ERCC5: variants seen among roughly 807,000 people sequenced by gnomAD.
ERCC5 encodes the protein DNA excision repair protein ERCC-5.
In ERCC5, 68 loss-of-function variants were observed where a neutral mutation model predicts 105.6. The observed-to-expected ratio is 0.64, with a 90% CI of 0.53 to 0.79. The LOEUF is 0.79. ERCC5 is among the 30% of genes least tolerant of loss of function. The pLI, the probability that ERCC5 is intolerant of heterozygous loss-of-function variation, is 0.00. For synonymous variants in ERCC5, 546 were observed against 526.2 expected (o/e 1.04, Z -0.51); for missense variants, 1,373 against 1,426.7 (o/e 0.96, Z 0.61).
chr13:102,850,927 G>A (rs1049791772), intron 1 of ERCC5, among the ~76,000 whole-genome samples: 1 of 152,146 alleles, frequency 6.6e-6, no homozygotes, highest in Non-Finnish European at 1.5e-5. Context: ...AGTGTTACAG[G>A]AGCTGGCAAA....
chr13:102,857,064 A>C (rs991184883), intron 5 of ERCC5, among the ~76,000 whole-genome samples: 2 of 152,224 alleles, frequency 1.3e-5, no homozygotes, highest in Non-Finnish European at 2.9e-5. Flanking sequence ...TATGCTGTAT[A>C]TATACATTTT....
rs587778294 is a variant in ERCC5, at chr13:102,853,854, C to T, written c.362C>T (p.Thr121Ile). ...TTTTTGAAAAGACAAGCCATCAAAA[C>T]TGCCTTCAGAAGCAAAAGGCAAGAG... ...KTFLKRQAIK[T>I]AFRSKRDEAL... The change falls in exon 3 of 15, where the codon ACT becomes ATT. Residue 121 changes from threonine (T) to isoleucine (I), a missense_variant. By Grantham distance (89) the Thr-to-Ile change is moderately conservative (BLOSUM62 -1). Transcript: ENST00000652225. 1 of 1,614,186 alleles carries T rather than the reference C, an allele frequency of 6.2e-7. No individual in the cohort carries two copies. Among genetic ancestry groups the T allele is most frequent in the Non-Finnish European group, 8.5e-7 (1 of 1,180,000 alleles).
Position 102,865,887 on chromosome 13 carries a change from C to T in ERCC5, c.2175C>T (p.Leu725=), listed in dbSNP as rs1294983801. 1 of 1,614,190 alleles carries T rather than the reference C, an allele frequency of 6.2e-7. No individual in the cohort carries two copies. The highest frequency in any genetic ancestry group is 1.1e-5 in the South Asian group (1 of 91,070). Residue 725 remains leucine (L), a synonymous_variant, in exon 9 of 15, where the codon CTC becomes CTT. Coordinates refer to ENST00000652225, the MANE Select transcript of ERCC5 (RefSeq NM_000123.4). The surrounding 1 kb of genome is among the most constrained non-coding windows in gnomAD (Gnocchi z 4.0). ...CTGAGAAAGATGCGGAAGATTCGCT[C>T]CATGAATGGCAAGATATTAATTTGG... ...QEAEKDAEDS[L]HEWQDINLEE...
At chr13:102,847,550 T>C (rs7327832) in intron 1 of ERCC5, among the ~76,000 whole-genome samples, 12,951 of 152,198 alleles carry the variant, frequency 0.085, 1,827 homozygotes, top group African/African-American at 0.29. Flanking sequence ...TTGATAAGTT[T>C]TAAAACATAA....
At chr13:102,860,401 A>C (rs1882577649) in intron 6 of ERCC5, among the ~76,000 whole-genome samples, 1 of 152,200 alleles carries the variant, frequency 6.6e-6, no homozygotes, top group Non-Finnish European at 1.5e-5. Flanking sequence ...AGCGTGTGAT[A>C]AGTGCTCAGT....
At chr13:102,846,610 G>T (rs2140512004) in intron 1 of ERCC5, among the ~76,000 whole-genome samples, 1 of 152,276 alleles carries the variant, frequency 6.6e-6, no homozygotes, top group East Asian at 1.9e-4. Flanking sequence ...CGTGGTATTT[G>T]CATATAAACT....
intron 12 of ERCC5, among the ~76,000 whole-genome samples, chr13:102,870,204 C>G (rs1882987201): frequency 6.6e-6 from 1 of 152,216 alleles, no homozygotes; most frequent in Non-Finnish European, 1.5e-5. Context: ...TTGGTTTGGA[C>G]TACACGGTGT....
intron 5 of ERCC5, 77 bp from the exon 6 acceptor site, chr13:102,858,198 A>G: frequency 6.3e-7 from 1 of 1,586,068 alleles, no homozygotes; most frequent in African/African-American, 1.4e-5. Context: ...ATATAAACAT[A>G]ATACATATCC....
chr13:102,853,483 G>A (rs941978650), intron 2 of ERCC5, among the ~76,000 whole-genome samples: 32 of 152,060 alleles, frequency 2.1e-4, no homozygotes, highest in African/African-American at 7.5e-4. Context: ...TCCACTTCTT[G>A]GGCATATTAA....
In ERCC5 at chr13:102,866,731, A is replaced by G. The variant is rs779555965; in HGVS notation, c.2419A>G (p.Ile807Val). 1.7e-5 allele frequency: 28 copies of G among 1,614,150 alleles called. No homozygotes were observed. The highest frequency in any genetic ancestry group is 2.2e-5 in the Non-Finnish European group (26 of 1,180,052). Residue 807 changes from isoleucine to valine, a missense_variant, in exon 11 of 15, where the codon ATC becomes GTC. By Grantham distance (29) the Ile-to-Val change is conservative. Around this residue, in one of 3 missense-constraint regions of ERCC5, gnomAD observed 1,004 missense variants for 1,059.7 expected, o/e 0.95. Coordinates refer to ENST00000652225, the MANE Select transcript of ERCC5 (RefSeq NM_000123.4). Reference protein sequence around the residue: ...LDLTDQTSGTITDDSDIWLFG... With the variant: ...LDLTDQTSGTVTDDSDIWLFG... ...CCTGACTGATCAGACTTCCGGAACC[A>G]TCACTGATGACAGTGATATCTGGCT...
At chr13:102,869,590 A>G (rs571731417) in intron 12 of ERCC5, among the ~76,000 whole-genome samples, 4 of 152,278 alleles carry the variant, frequency 2.6e-5, no homozygotes, top group South Asian at 4.1e-4. Flanking sequence ...AACAAGACCT[A>G]TTATCAACGA....
At chr13:102,867,384 G>A (rs561485352) in intron 11 of ERCC5, among the ~76,000 whole-genome samples, 2 of 152,224 alleles carry the variant, frequency 1.3e-5, no homozygotes, top group South Asian at 2.1e-4. Flanking sequence ...GAGAGTGCAG[G>A]TGCTGTTTCA....
chr13:102,875,662 G>A lies in ERCC5; in HGVS notation c.3320G>A (p.Ser1107Asn). 6.2e-7 allele frequency: 1 copy of A among 1,614,134 alleles called. No individual in the cohort carries two copies. The highest frequency in any genetic ancestry group is 8.5e-7 in the Non-Finnish European group (1 of 1,179,996). Residue 1107 changes from serine to asparagine, a missense_variant, in exon 15 of 15, where the codon AGT becomes AAT. Physicochemically the swap from Ser to Asn is conservative, Grantham distance 46 (BLOSUM62 1). This residue lies in a region of ERCC5 where 367 missense variants were observed against 350.2 expected (regional missense o/e 1.05). Transcript: ENST00000652225. ...GGATCTTCAAGTGAAGATGCTGAAAGTTCATCTTTAATGAATGTACAAAGG... is the reference window on the plus strand; with the variant it reads ...GGATCTTCAAGTGAAGATGCTGAAAATTCATCTTTAATGAATGTACAAAGG... ...SDGSSSEDAESSSLMNVQRRT... is the reference protein window; with the variant it reads ...SDGSSSEDAENSSLMNVQRRT...
chr13:102,866,288 C>T lies in ERCC5; in HGVS notation c.2226C>T (p.Asn742=). 2 of 1,614,198 alleles carry T rather than the reference C, an allele frequency of 1.2e-6. No homozygotes were observed. The highest frequency in any genetic ancestry group is 1.7e-6 in the Non-Finnish European group (2 of 1,180,032). The change falls in exon 10 of 15, where the codon AAC becomes AAT. Residue 742 remains asparagine (N), a synonymous_variant. Transcript: ENST00000652225. ...AGGAGTTGGAAACTCTGGAGAGCAACCTCTTAGCACAGCAGAATTCACTGA... is the reference window on the plus strand; with the variant it reads ...AGGAGTTGGAAACTCTGGAGAGCAATCTCTTAGCACAGCAGAATTCACTGA... ...NLEELETLES[N]LLAQQNSLKA...
intron 9 of ERCC5, 105 bp downstream of exon 9, chr13:102,866,016 T>A: frequency 6.2e-7 from 1 of 1,600,036 alleles, no homozygotes. Context: ...CTATTTGCAG[T>A]ACATCTTGTG....
chr13:102,866,137 A>G, intron 9 of ERCC5, 125 bp from the exon 10 acceptor site: 2 of 1,490,878 alleles, frequency 1.3e-6, no homozygotes, highest in South Asian at 2.4e-5. Flanking sequence ...TTAGACATCC[A>G]GTGGAGTACT....
At position 102,861,732 on chromosome 13, in the gene ERCC5, TTATA is replaced by T; in HGVS notation, c.880+22_880+25del. 6.2e-7 allele frequency: 1 copy of T among 1,613,798 alleles called. No individual in the cohort carries two copies. Among genetic ancestry groups the T allele is most frequent in the Non-Finnish European group, 8.5e-7 (1 of 1,179,804 alleles). On this transcript the variant is annotated intron_variant, in intron 7 of 14. Transcript: ENST00000652225. Reference sequence around the variant, plus strand: ...GATAAAAGGTATCAGGCACCATCATTTATATATTTACATTAAAAAATCAAAGATA... The same window carrying T: ...GATAAAAGGTATCAGGCACCATCATTTATTTACATTAAAAAATCAAAGATA...
chr13:102,853,705 T>C, intron 2 of ERCC5, 52 bp from the exon 3 acceptor site: 1 of 1,554,140 alleles, frequency 6.4e-7, no homozygotes. Flanking sequence ...ACAGCAATGT[T>C]TCTAGTGGTC....
chr13:102,862,423 C>T lies in ERCC5; in HGVS notation c.1274C>T (p.Thr425Ile), dbSNP rs56115837. ...GAEEMRINSS[T>I]ENSDEGLKVR... ...GAAGAAATGCGTATAAACAGCTCCA[C>T]CGAGAACAGTGATGAAGGACTTAAA... The change falls in exon 8 of 15, where the codon ACC (threonine) becomes ATC (isoleucine). Residue 425 changes from threonine (T) to isoleucine (I), a missense_variant. Around this residue, in one of 3 missense-constraint regions of ERCC5, gnomAD observed 1,004 missense variants for 1,059.7 expected, o/e 0.95. Transcript: ENST00000652225. 2 of 1,613,780 alleles carry T rather than the reference C, an allele frequency of 1.2e-6. No individual in the cohort carries two copies. Among genetic ancestry groups the T allele is most frequent in the South Asian group, 1.1e-5 (1 of 91,078 alleles).
Sources: allele counts gnomAD v4.1 joint callset (sites outside exome capture counted in the v4.1 genomes callset), GRCh38; gene constraint gnomAD v4.1.1; regional missense constraint gnomAD v4.1.1; non-coding constraint Gnocchi (gnomAD v3.1); transcripts MANE v1.5; gene names NCBI Gene and HGNC (gene_info 2026-07-23, HGNC 2026-07-21).